The following STAB2 variants were observed in gnomAD, a reference collection of about 807,000 sequenced individuals.
STAB2 encodes stabilin 2.
In STAB2, 288 loss-of-function variants were observed where a neutral mutation model predicts 338.1. The ratio of observed to expected loss-of-function variants is 0.85; its 90% CI spans 0.77 to 0.94. STAB2 has a LOEUF of 0.94. STAB2 is among the 40% of genes least tolerant of loss of function. The pLI is 0.00. For synonymous variants in STAB2, 1,202 were observed against 1,193.3 expected (o/e 1.01, Z -0.15); for missense variants, 3,141 against 3,210.1 (o/e 0.98, Z 0.52).
chr12:103,625,889 G>A (rs1957373970), intron 5 of STAB2, among the ~76,000 whole-genome samples: 1 of 152,118 alleles, frequency 6.6e-6, no homozygotes. Flanking sequence ...TGGGATGGCT[G>A]GGTCAAATGG....
chr12:103,739,489 A>G (rs1882404857), intron 54 of STAB2, 21 bp downstream of exon 54: 1 of 1,564,186 alleles, frequency 6.4e-7, no homozygotes, highest in Non-Finnish European at 8.7e-7. Context: ...CTGCAGTGAT[A>G]ATGTTTGGAG....
chr12:103,735,974 G>A (rs1882089345), intron 52 of STAB2, among the ~76,000 whole-genome samples: 1 of 152,042 alleles, frequency 6.6e-6, no homozygotes, highest in Admixed American at 6.5e-5. Context: ...TGTCAGTCAG[G>A]GCCAGCTCTG....
intron 6 of STAB2, among the ~76,000 whole-genome samples, chr12:103,631,911 G>A (rs1233813832): frequency 6.6e-6 from 1 of 152,148 alleles, no homozygotes; most frequent in Non-Finnish European, 1.5e-5. Context: ...GCAATGTGGT[G>A]TCAAGGCTAT....
chr12:103,679,098 G>C (rs954095085), intron 25 of STAB2, among the ~76,000 whole-genome samples: 2 of 152,034 alleles, frequency 1.3e-5, no homozygotes, highest in African/African-American at 2.4e-5. Flanking sequence ...AACATGGGCC[G>C]GGCACTGTGG....
At chr12:103,626,514 G>A (rs947417158) in intron 5 of STAB2, among the ~76,000 whole-genome samples, 1 of 152,196 alleles carries the variant, frequency 6.6e-6, no homozygotes, top group African/African-American at 2.4e-5. Context: ...AAAGCTCTTA[G>A]TATTATGTCA....
At chr12:103,724,388 G>A (rs183531220) in intron 44 of STAB2, among the ~76,000 whole-genome samples, 28 of 152,318 alleles carry the variant, frequency 1.8e-4, no homozygotes, top group Middle Eastern at 3.4e-3. Context: ...GAGAAAGCAC[G>A]GGGAAGGGTT....
intron 34 of STAB2, among the ~76,000 whole-genome samples, chr12:103,701,824 T>C (rs1878898683): frequency 6.6e-6 from 1 of 152,180 alleles, no homozygotes; most frequent in African/African-American, 2.4e-5. Context: ...CATAAGGGAC[T>C]TTAACATTCA....
chr12:103,638,607 C>T (rs778017772), intron 8 of STAB2, among the ~76,000 whole-genome samples: 4 of 152,204 alleles, frequency 2.6e-5, no homozygotes, highest in Non-Finnish European at 5.9e-5. Flanking sequence ...CAAAAATACC[C>T]TGTTCCAAAC....
intron 5 of STAB2, among the ~76,000 whole-genome samples, chr12:103,630,693 A>G (rs939647032): frequency 6.6e-6 from 1 of 152,194 alleles, no homozygotes; most frequent in African/African-American, 2.4e-5. Flanking sequence ...TTGGCCTGCC[A>G]TTGTTAGCCC....
intron 26 of STAB2, 50 bp downstream of exon 26, chr12:103,683,350 A>G (rs1282238337): frequency 7.1e-7 from 1 of 1,416,676 alleles, no homozygotes; most frequent in Non-Finnish European, 9.7e-7. Context: ...AAAAAAAACA[A>G]TGCTTGAGAA....
At chr12:103,761,435 C>A in intron 66 of STAB2, 25 bp downstream of exon 66, 1 of 1,605,546 alleles carries the variant, frequency 6.2e-7, no homozygotes, top group African/African-American at 1.3e-5. Flanking sequence ...TCCCTGATAA[C>A]GGGCCAGGAG....
In STAB2 at chr12:103,692,792, A is replaced by G; in HGVS notation, c.3298-20A>G. On this transcript the variant is annotated intron_variant, in intron 30 of 68. Transcript: ENST00000388887. ...GCGCTCTATAAAGACTCATCTTCCCACTGTGGTTTGCATTTACAGAATATC... is the reference window on the plus strand; with the variant it reads ...GCGCTCTATAAAGACTCATCTTCCCGCTGTGGTTTGCATTTACAGAATATC... The G allele has an allele frequency of 6.2e-7, 1 of 1,605,880 alleles. No homozygotes were observed. Among genetic ancestry groups the G allele is most frequent in the Non-Finnish European group, 8.5e-7 (1 of 1,173,410 alleles).
intron 3 of STAB2, among the ~76,000 whole-genome samples, chr12:103,597,572 AAAT>A (rs1956895888): frequency 6.6e-6 from 1 of 152,176 alleles, no homozygotes. Flanking sequence ...TTGGGGAAAA[AAAT>A]AATATTATCT....
At chr12:103,642,143 T>C (rs1310137112) in intron 9 of STAB2, among the ~76,000 whole-genome samples, 1 of 152,246 alleles carries the variant, frequency 6.6e-6, no homozygotes, top group Non-Finnish European at 1.5e-5. Context: ...AGACCAGGAA[T>C]CTCTGCCTGT....
chr12:103,660,229 G>A (rs1874492568), intron 15 of STAB2, 102 bp from the exon 16 acceptor site: 5 of 1,229,506 alleles, frequency 4.1e-6, no homozygotes, highest in African/African-American at 3.0e-5. Flanking sequence ...TAGATTATGG[G>A]TCATTTTTCT....
chr12:103,744,666 G>A (rs1882867369), intron 56 of STAB2, among the ~76,000 whole-genome samples: 1 of 150,768 alleles, frequency 6.6e-6, no homozygotes, highest in South Asian at 2.1e-4. Context: ...TGTAGATACG[G>A]GGTTGCACCA....
rs1003692424 is a variant in STAB2, at chr12:103,609,949, C to T, written c.332-10519C>T. ...TTCTGCATCTATTGTGATAATCATG[C>T]GGTTTTTGTCATTGGTTCTGTTTAT... is the stretch of plus-strand genomic sequence containing the variant. On this transcript the variant is annotated intron_variant, in intron 3 of 68. Coordinates refer to ENST00000388887, the MANE Select transcript of STAB2 (RefSeq NM_017564.10). Among the ~76,000 whole-genome samples the T allele has an allele frequency of 1.5e-4, 23 of 152,104 alleles. 2 individuals are homozygous for T. The South Asian group carries it at 3.3e-3, about 22-fold the overall frequency.
intron 63 of STAB2, among the ~76,000 whole-genome samples, chr12:103,756,865 C>A (rs75981228): frequency 0.019 from 2,860 of 151,968 alleles, 99 homozygotes; most frequent in African/African-American, 0.065. Flanking sequence ...GAGATGAACA[C>A]CCACACTAAT....
intron 15 of STAB2, among the ~76,000 whole-genome samples, chr12:103,656,703 G>T (rs1157647229): frequency 7.3e-6 from 1 of 136,764 alleles, no homozygotes. Context: ...TTTTTGAGAC[G>T]GAGTCTCGCT....
Sources: gnomAD v4.1 joint callset for allele counts (sites outside exome capture counted in the v4.1 genomes callset) on GRCh38, gnomAD v4.1.1 for gene constraint, MANE v1.5 for transcripts, NCBI Gene and HGNC (gene_info 2026-07-23, HGNC 2026-07-21) for gene names.